The following TNRC6A variants were observed in gnomAD, a reference collection of about 807,000 sequenced individuals.
TNRC6A encodes the protein trinucleotide repeat containing adaptor 6A.
A neutral mutation model predicts 221.2 loss-of-function variants in TNRC6A; 44 were observed. That is an observed-to-expected ratio of 0.20 (90% CI 0.16 to 0.26). The LOEUF is 0.26. Ranked by LOEUF, TNRC6A falls within the 10% of genes least tolerant of loss-of-function variation. TNRC6A has a pLI of 1.00. For synonymous variants in TNRC6A, 847 were observed against 838.5 expected, an observed-to-expected ratio of 1.01 and a Z score of -0.18; for missense variants, 2,199 against 2,404.4, an observed-to-expected ratio of 0.91 and a Z score of 1.79.
At chr16:24,715,605 C>CTTTTTTTTTT (rs58843836) in intron 2 of TNRC6A, among the ~76,000 whole-genome samples, 7 of 127,218 alleles carry the variant, frequency 5.5e-5, no homozygotes, top group African/African-American at 5.8e-5. Context: ...TGAGTAGTTT[C>CTTTTTTTTTT]TTTTTTTTTT....
chr16:24,713,972 A>G (rs1165405829), intron 2 of TNRC6A, among the ~76,000 whole-genome samples: 1 of 152,084 alleles, frequency 6.6e-6, no homozygotes, highest in Non-Finnish European at 1.5e-5. Context: ...AAACGATTCA[A>G]TTATGATTTG....
At chr16:24,756,864 G>C (rs2057262958) in intron 3 of TNRC6A, among the ~76,000 whole-genome samples, 1 of 152,162 alleles carries the variant, frequency 6.6e-6, no homozygotes. Context: ...TTGTGAAAGA[G>C]ACCAGGAGAG....
chr16:24,732,096 A>G (rs1046476161), intron 2 of TNRC6A, among the ~76,000 whole-genome samples: 4 of 152,256 alleles, frequency 2.6e-5, no homozygotes, highest in African/African-American at 9.6e-5. Context: ...GTCAGAAGGC[A>G]TGAAAGGAAA....
Position 24,797,697 on chromosome 16 carries a change from A to G in TNRC6A, c.3642+127A>G, listed in dbSNP as rs1158020178. ...AGGAATGTACTTGATGTTAGAGTAA[A>G]ATCGGCCTCCAAACCTTCATTTTTA... is the stretch of plus-strand genomic sequence containing the variant. On this transcript the variant is annotated intron_variant, in intron 10 of 24. Transcript: ENST00000395799. 3.2e-6 allele frequency: 3 copies of G among 933,864 alleles called. No individual in the cohort carries two copies. In the African/African-American group the frequency reaches 5.0e-5, roughly 16 times the overall value. The allele number at this position is 933,864 out of a possible 1,614,324, so 57.8% of individuals were successfully genotyped here.
chr16:24,745,947 A>G (rs765691837), intron 2 of TNRC6A, among the ~76,000 whole-genome samples: 1 of 151,906 alleles, frequency 6.6e-6, no homozygotes. Flanking sequence ...TTGCCAATTT[A>G]TTGCCTATTC....
intron 1 of TNRC6A, among the ~76,000 whole-genome samples, chr16:24,635,495 C>T (rs1414107213): frequency 6.6e-6 from 1 of 152,092 alleles, no homozygotes; most frequent in Non-Finnish European, 1.5e-5. Flanking sequence ...GTTGGCCAGG[C>T]TGGTCTCAAA....
At chr16:24,820,609 T>C (rs1183261932) in intron 22 of TNRC6A, among the ~76,000 whole-genome samples, 3 of 152,238 alleles carry the variant, frequency 2.0e-5, no homozygotes, top group Non-Finnish European at 2.9e-5. Flanking sequence ...AGGAACTTCC[T>C]GCTCATGGCA....
intron 4 of TNRC6A, among the ~76,000 whole-genome samples, chr16:24,771,307 C>G (rs187629809): frequency 2.9e-3 from 437 of 152,184 alleles, no homozygotes; most frequent in African/African-American, 0.01. Flanking sequence ...CCAAAACATT[C>G]GAGATGTGAG....
chr16:24,802,866 C>T (rs1261935471), intron 11 of TNRC6A, among the ~76,000 whole-genome samples: 1 of 152,140 alleles, frequency 6.6e-6, no homozygotes, highest in Non-Finnish European at 1.5e-5. Flanking sequence ...TGGTAGAGAG[C>T]ATTGTCCACT....
intron 1 of TNRC6A, among the ~76,000 whole-genome samples, chr16:24,629,350 A>G (rs1009360652): frequency 6.6e-6 from 1 of 152,234 alleles, no homozygotes; most frequent in African/African-American, 2.4e-5. Context: ...AAGTGCTTAA[A>G]CACTATTTAC....
intron 1 of TNRC6A, among the ~76,000 whole-genome samples, chr16:24,612,704 G>A (rs1900116778): frequency 6.6e-6 from 1 of 152,072 alleles, no homozygotes; most frequent in Non-Finnish European, 1.5e-5. Flanking sequence ...CCATGATTGC[G>A]CCACTGCACT....
In TNRC6A at chr16:24,651,932, CT is replaced by C. The variant is rs1296644643; in HGVS notation, n.402+10924del. On this transcript the variant is annotated intron_variant and non_coding_transcript_variant, in intron 2 of 2. Transcript: ENST00000566108. ...TGGGCAACATAGCAAGACCCCCTCT[CT>C]AAAAAAAAAAAAAAATTAATTAAAA... is the stretch of plus-strand genomic sequence containing the variant. Among the ~76,000 whole-genome samples the C allele has an allele frequency of 2.9e-3, 398 of 137,162 alleles. 1 individual carries two copies. Among genetic ancestry groups the C allele is most frequent in the African/African-American group, 0.012 (376 of 32,286 alleles). 90.0% of individuals were successfully genotyped at this position (137,162 alleles called of 152,430 possible).
At chr16:24,634,940 A>G (rs1901547363) in intron 1 of TNRC6A, among the ~76,000 whole-genome samples, 2 of 152,036 alleles carry the variant, frequency 1.3e-5, no homozygotes, top group South Asian at 2.1e-4. Flanking sequence ...CTTATTCTCC[A>G]TACACTTTTT....
rs757679045 is a variant in TNRC6A at position 24,777,054 on chromosome 16, A to ACAGCAG, written c.294_299dup (p.Gln102_Gln103dup). The stretch of plus-strand genomic sequence containing the variant: ...GAGCTACAGCCAACAATCAGCAGCC[A>ACAGCAG]CAGCAGCAGCAGCAACAGCAGCAGC... On this transcript the variant is annotated inframe_insertion, in exon 5 of 25. Coordinates refer to ENST00000395799, the MANE Select transcript of TNRC6A (RefSeq NM_014494.4). 1.9e-6 allele frequency: 3 copies of ACAGCAG among 1,612,950 alleles called. No individual in the cohort carries two copies. The East Asian group carries it at 6.7e-5, about 36-fold the overall frequency.
At chr16:24,793,448 A>T in intron 6 of TNRC6A, 25 bp from the exon 7 acceptor site, 1 of 1,377,794 alleles carries the variant, frequency 7.3e-7, no homozygotes, top group Non-Finnish European at 9.5e-7. Context: ...TATGCTGATG[A>T]CTTCTTTTCC....
intron 2 of TNRC6A, among the ~76,000 whole-genome samples, chr16:24,724,588 A>C (rs181986257): frequency 6.6e-6 from 1 of 152,146 alleles, no homozygotes; most frequent in Non-Finnish European, 1.5e-5. Flanking sequence ...TCTACAAAAA[A>C]TACAAAAAGT....
intron 2 of TNRC6A, among the ~76,000 whole-genome samples, chr16:24,743,392 TAGC>T (rs1596591400): frequency 1.3e-5 from 2 of 152,150 alleles, no homozygotes; most frequent in African/African-American, 4.8e-5. Flanking sequence ...GGAATGATCT[TAGC>T]TCACTGTGCG....
intron 3 of TNRC6A, among the ~76,000 whole-genome samples, chr16:24,756,949 C>T (rs762966358): frequency 6.6e-6 from 1 of 151,982 alleles, no homozygotes; most frequent in South Asian, 2.1e-4. Context: ...AATTCTTTGG[C>T]TTCAGAAGAT....
intron 2 of TNRC6A, among the ~76,000 whole-genome samples, chr16:24,722,474 C>T (rs933679193): frequency 1.3e-5 from 2 of 151,958 alleles, no homozygotes; most frequent in East Asian, 1.9e-4. Flanking sequence ...CTCACTCTGT[C>T]GCCCAGGCTG....
Sources: allele counts gnomAD v4.1 joint callset (sites outside exome capture counted in the v4.1 genomes callset), GRCh38; gene constraint gnomAD v4.1.1; transcripts MANE v1.5; gene names NCBI Gene and HGNC (gene_info 2026-07-23, HGNC 2026-07-21).